The following TACC3 variants were observed in gnomAD, a reference collection of about 807,000 sequenced individuals.
The protein encoded by TACC3 is transforming acidic coiled-coil-containing protein 3.
TACC3 carries 52 observed loss-of-function variants against 86.0 expected under a neutral mutation model. That is an observed-to-expected ratio of 0.60 (90% CI 0.48 to 0.76). The LOEUF is 0.76. Ranked by LOEUF, TACC3 falls within the 30% of genes least tolerant of loss-of-function variation. TACC3 has a pLI of 0.00. For synonymous variants in TACC3, 512 were observed against 430.0 expected (o/e 1.19, Z -2.36); for missense variants, 1,120 against 1,070.4 (o/e 1.05, Z -0.65).
rs1718190729 is a variant in TACC3 at position 1,735,170 on chromosome 4, G to A, written c.1592-103G>A. On this transcript the variant is annotated intron_variant, in intron 6 of 15. Transcript: ENST00000313288. This position sits in a 1 kb window ranked among gnomAD's most constrained non-coding sequence, Gnocchi z 4.2. ...ACCTCCAAGGGAGGAAATACTGCTG[G>A]CTGGAATGATCCTGCCTCACTGAGT... The A allele has an allele frequency of 2.0e-6, 3 of 1,486,480 alleles. No individual in the cohort carries two copies. Among genetic ancestry groups the A allele is most frequent in the African/African-American group, 2.8e-5 (2 of 72,018 alleles). 92.1% of individuals were successfully genotyped at this position (1,486,480 alleles called of 1,614,324 possible).
chr4:1,721,153 C>A, upstream of TACC3: 1 of 216,828 alleles, frequency 4.6e-6, no homozygotes, highest in Non-Finnish European at 8.8e-6. Flanking sequence ...CGTGCGGGTG[C>A]GGCCTCTCTT....
chr4:1,742,722 C>G (rs1718651802), intron 13 of TACC3, among the ~76,000 whole-genome samples: 1 of 151,348 alleles, frequency 6.6e-6, no homozygotes, highest in African/African-American at 2.4e-5. Context: ...TCACTTGAAC[C>G]CAGGAAGTAG....
At position 1,735,790 on chromosome 4, in the gene TACC3, G is replaced by A. The variant is rs142274425; in HGVS notation, c.1704G>A (p.Arg568=). 2 of 1,610,800 alleles carry A rather than the reference G, an allele frequency of 1.2e-6. No homozygotes were observed. The highest frequency in any genetic ancestry group is 4.5e-5 in the East Asian group (2 of 44,818). ...ACCTCAAGTTCGACCCCCTCCTGAG[G>A]GACAGTCCTGGTAGACCAGTGCCCG... ...SLYLKFDPLL[R]DSPGRPVPVA... The change falls in exon 8 of 16, where the codon AGG becomes AGA. Residue 568 remains arginine (R), a synonymous_variant. Transcript: ENST00000313288. This position sits in a 1 kb window ranked among gnomAD's most constrained non-coding sequence, Gnocchi z 4.2.
At chr4:1,730,831 G>A in intron 4 of TACC3, 56 bp from the exon 5 acceptor site, 1 of 1,569,246 alleles carries the variant, frequency 6.4e-7, no homozygotes, top group Non-Finnish European at 8.7e-7. Flanking sequence ...CTGGAGCAGG[G>A]GACGCCGGGG....
chr4:1,732,728 T>C (rs1430526411), intron 6 of TACC3, among the ~76,000 whole-genome samples: 1 of 152,236 alleles, frequency 6.6e-6, no homozygotes, highest in Admixed American at 6.5e-5. Context: ...CACGGCCTTC[T>C]GTGTCCGGCG....
chr4:1,740,655 A>G (rs1718546890), intron 12 of TACC3, 171 bp from the exon 13 acceptor site: 2 of 611,312 alleles, frequency 3.3e-6, no homozygotes, highest in Non-Finnish European at 5.8e-6. Context: ...TGGGCTTTGC[A>G]TCCGGCCTAG....
rs775626869 is a variant in TACC3, at chr4:1,744,765, C to T, written c.2384C>T (p.Ala795Val). The T allele has an allele frequency of 2.5e-6, 4 of 1,612,600 alleles. No individual in the cohort carries two copies. Among genetic ancestry groups the T allele is most frequent in the Admixed American group, 3.3e-5 (2 of 60,004 alleles). Residue 795 changes from alanine (A) to valine (V), a missense_variant, in exon 15 of 16, where the codon GCC becomes GTC. By Grantham distance (64) the Ala-to-Val change is moderately conservative (BLOSUM62 0). Coordinates refer to ENST00000313288, the MANE Select transcript of TACC3 (RefSeq NM_006342.3). ...VRSKAQAEAL[A>V]LQASLRKEQM... ...AGCAAGGCCCAGGCGGAAGCGTTGG[C>T]CCTCCAGGCCAGCCTGAGGAAGGAG...
chr4:1,725,889 C>G (rs1717663479), intron 3 of TACC3, among the ~76,000 whole-genome samples: 2 of 152,230 alleles, frequency 1.3e-5, no homozygotes, highest in Admixed American at 6.5e-5. Flanking sequence ...CAGTGCCGCC[C>G]CAAGGTGGCA....
rs372855233 is a variant in TACC3 at position 1,744,808 on chromosome 4, G to T, written c.2427G>T (p.Ser809=). Reference sequence around the variant, plus strand: ...GGAAGGAGCAGATGCGCATCCAGTCGCTGGAGAAGACAGTGGAGCAGAAGG... The same window carrying T: ...GGAAGGAGCAGATGCGCATCCAGTCTCTGGAGAAGACAGTGGAGCAGAAGG... The part of the protein sequence containing the change: ...SLRKEQMRIQ[S]LEKTVEQKTK... Residue 809 remains serine, a synonymous_variant, in exon 15 of 16, where the codon TCG becomes TCT. Coordinates refer to ENST00000313288, the MANE Select transcript of TACC3 (RefSeq NM_006342.3). The T allele has an allele frequency of 1.2e-6, 2 of 1,612,810 alleles. No individual in the cohort carries two copies. Among genetic ancestry groups the T allele is most frequent in the Non-Finnish European group, 1.7e-6 (2 of 1,180,036 alleles).
upstream of TACC3, chr4:1,720,661 C>G (rs768558193): frequency 5.2e-6 from 8 of 1,546,314 alleles, no homozygotes; most frequent in South Asian, 1.2e-5. This position sits in a 1 kb window ranked among gnomAD's most constrained non-coding sequence, Gnocchi z 4.4. Flanking sequence ...GGCACAACAG[C>G]GTGGCGGCCG....
intron 1 of TACC3, among the ~76,000 whole-genome samples, chr4:1,722,117 C>T (rs915901976): frequency 2.6e-5 from 4 of 152,202 alleles, no homozygotes; most frequent in Non-Finnish European, 4.4e-5. Context: ...ACCTTCCCCC[C>T]GCACCGCATC....
intron 6 of TACC3, among the ~76,000 whole-genome samples, chr4:1,732,526 G>A (rs1255916579): frequency 6.6e-6 from 1 of 152,260 alleles, no homozygotes; most frequent in Non-Finnish European, 1.5e-5. Flanking sequence ...TGGCTGAGTT[G>A]TTTTAAAGGA....
chr4:1,737,326 C>G lies in TACC3; in HGVS notation c.1834C>G (p.Pro612Ala), dbSNP rs114631890. 94 of 1,613,822 alleles carry G rather than the reference C, an allele frequency of 5.8e-5. No individual in the cohort carries two copies. Among genetic ancestry groups the G allele is most frequent in the Admixed American group, 2.3e-4 (14 of 60,014 alleles). The change falls in exon 9 of 16, where the codon CCT becomes GCT. Residue 612 changes from proline to alanine, a missense_variant and splice_region_variant. Pro to Ala is a conservative substitution (Grantham distance 27, BLOSUM62 -1). Coordinates refer to ENST00000313288, the MANE Select transcript of TACC3 (RefSeq NM_006342.3). ...CGATTTCTTGGGAGCACTGGACATT[C>G]CTGTAAGTCCTTGAGTCCCTCTTGA... is the stretch of plus-strand genomic sequence containing the variant. ...EFDFLGALDI[P>A]VPGPPPGVPA...
At chr4:1,731,004 C>A in intron 5 of TACC3, 42 bp downstream of exon 5, 1 of 1,610,344 alleles carries the variant, frequency 6.2e-7, no homozygotes, top group South Asian at 1.1e-5. Context: ...CTGGCCTGGT[C>A]GTGTAGAAGA....
intron 15 of TACC3, 23 bp downstream of exon 15, chr4:1,744,855 A>G (rs765363523): frequency 3.1e-5 from 50 of 1,612,772 alleles, no homozygotes; most frequent in Non-Finnish European, 3.9e-5. Flanking sequence ...AGCCCAGCTC[A>G]AGGGGCCGTC....
At chr4:1,736,766 C>T (rs950347250) in intron 8 of TACC3, among the ~76,000 whole-genome samples, 10 of 152,114 alleles carry the variant, frequency 6.6e-5, no homozygotes, top group South Asian at 4.1e-4. Flanking sequence ...AAAAATTAGC[C>T]GGGTGAGGCG....
At position 1,735,655 on chromosome 4, in the gene TACC3, G is replaced by C. The variant is rs1464323251; in HGVS notation, c.1645-76G>C. 9.3e-6 allele frequency: 11 copies of C among 1,182,150 alleles called. No homozygotes were observed. The highest frequency in any genetic ancestry group is 1.2e-5 in the Non-Finnish European group (10 of 806,938). 73.2% of individuals were successfully genotyped at this position (1,182,150 alleles called of 1,614,324 possible). ...TGACCGGGGGTGGGAGTGTGCAGGT[G>C]ACCTCCCTGGCCCTTAGCCCCCGTG... On this transcript the variant is annotated intron_variant, in intron 7 of 15. Coordinates refer to ENST00000313288, the MANE Select transcript of TACC3 (RefSeq NM_006342.3). The surrounding 1 kb of genome is among the most constrained non-coding windows in gnomAD (Gnocchi z 4.2).
intron 13 of TACC3, among the ~76,000 whole-genome samples, chr4:1,743,747 G>A (rs971680192): frequency 2.0e-5 from 3 of 152,182 alleles, no homozygotes; most frequent in African/African-American, 7.2e-5. Flanking sequence ...CTGTGCACAC[G>A]TGAGAGCTTC....
chr4:1,730,852 G>T, intron 4 of TACC3, 35 bp from the exon 5 acceptor site: 1 of 1,606,022 alleles, frequency 6.2e-7, no homozygotes, highest in East Asian at 2.2e-5. Flanking sequence ...TTATGGGGTG[G>T]GGGGCATGGG....
Sources: allele counts gnomAD v4.1 joint callset (sites outside exome capture counted in the v4.1 genomes callset), GRCh38; gene constraint gnomAD v4.1.1; non-coding constraint Gnocchi (gnomAD v3.1); transcripts MANE v1.5; gene names NCBI Gene and HGNC (gene_info 2026-07-23, HGNC 2026-07-21).